XRCC3: variants seen among roughly 807,000 people sequenced by gnomAD.
XRCC3 encodes the protein DNA repair protein XRCC3.
In XRCC3, 34 loss-of-function variants were observed where a neutral mutation model predicts 29.2. The ratio of observed to expected loss-of-function variants is 1.16; its 90% CI spans 0.88 to 1.55. The LOEUF (loss-of-function observed/expected upper bound fraction) is 1.55. Among genes scored for constraint, XRCC3 ranks in the 40% most tolerant of loss-of-function variants. The pLI, the probability that XRCC3 is intolerant of heterozygous loss-of-function variation, is 0.00. For synonymous variants in XRCC3, 223 were observed against 211.3 expected (o/e 1.06, Z -0.48); for missense variants, 463 against 467.6 (o/e 0.99, Z 0.09).
rs2083466594 is a variant in XRCC3 at position 103,707,218 on chromosome 14, A to C, written c.194-3T>G. ...CTTCTGCTGGTGCAGCTGCAGTGCTAAAGGGCAGGGATAGTGTCAGGCCTG... is the reference window on the plus strand; with the variant it reads ...CTTCTGCTGGTGCAGCTGCAGTGCTCAAGGGCAGGGATAGTGTCAGGCCTG... On this transcript the variant is annotated splice_polypyrimidine_tract_variant and splice_region_variant and intron_variant, in intron 5 of 9. Coordinates refer to ENST00000555055, the MANE Select transcript of XRCC3 (RefSeq NM_005432.4). 1.3e-6 allele frequency: 2 copies of C among 1,548,446 alleles called. No individual in the cohort carries two copies. The highest frequency in any genetic ancestry group is 2.7e-5 in the African/African-American group (2 of 72,990).
chr14:103,699,171 C>T lies in XRCC3; in HGVS notation c.783G>A (p.Glu261=), dbSNP rs764416609. Residue 261 remains glutamate, a synonymous_variant, in exon 9 of 10, where the codon GAG becomes GAA. Transcript: ENST00000555055. ...GTGCTGCGCCCTGCTCCTCCATGGCCTCTGTCACCTGGAAGAGCACAGTCC... is the reference window on the plus strand; with the variant it reads ...GTGCTGCGCCCTGCTCCTCCATGGCTTCTGTCACCTGGAAGAGCACAGTCC... ...SPVLCINQVT[E]AMEEQGAAHG... is the part of the protein sequence containing the mutation. 3 of 1,565,660 alleles carry T rather than the reference C, an allele frequency of 1.9e-6. No individual in the cohort carries two copies.
intron 2 of XRCC3, 172 bp from the exon 3 acceptor site, chr14:103,711,739 G>A (rs181386895): frequency 2.4e-5 from 11 of 455,860 alleles, no homozygotes; most frequent in South Asian, 9.3e-5. Context: ...TCCACAGCCC[G>A]AGCCTGGCCC....
intron 3 of XRCC3, 73 bp from the exon 4 acceptor site, chr14:103,711,318 A>G (rs1029515596): frequency 1.5e-6 from 1 of 679,270 alleles, no homozygotes; most frequent in South Asian, 1.5e-5. Context: ...TCTGTCATTT[A>G]CCTCTAAGAA....
At chr14:103,701,101 CTT>C in intron 7 of XRCC3, 1 of 1,437,638 alleles carries the variant, frequency 7.0e-7, no homozygotes, top group East Asian at 2.5e-5. Flanking sequence ...TCTAGGCAGA[CTT>C]GGGGTGGGGG....
At chr14:103,706,112 A>G (rs2083426224) in intron 6 of XRCC3, 1 of 349,048 alleles carries the variant, frequency 2.9e-6, no homozygotes, top group Non-Finnish European at 5.7e-6. Flanking sequence ...CTCACCCTCC[A>G]CCCGACACGG....
In XRCC3 at chr14:103,698,751, G is replaced by A. The variant is rs376407692; in HGVS notation, c.*47C>T. 5.3e-4 allele frequency: 817 copies of A among 1,532,394 alleles called. No individual in the cohort carries two copies. Among genetic ancestry groups the A allele is most frequent in the Non-Finnish European group, 7.0e-4 (786 of 1,129,976 alleles). The allele number at this position is 1,532,394 out of a possible 1,614,324, so 94.9% of individuals were successfully genotyped here. A position where few individuals can be genotyped will look rare whatever the true frequency, so the allele number is the denominator to read the frequency against. ...GACGCGTTTTAAAGGCCCGAGCCCC[G>A]TGTGTCGGGGCTTCTCAGGCAGGGC... On this transcript the variant is annotated 3_prime_UTR_variant, in exon 10 of 10. Coordinates refer to ENST00000555055, the MANE Select transcript of XRCC3 (RefSeq NM_005432.4).
chr14:103,699,425 A>G lies in XRCC3; in HGVS notation c.713T>C (p.Leu238Pro), dbSNP rs754529357. 4 of 1,612,718 alleles carry G rather than the reference A, an allele frequency of 2.5e-6. No homozygotes were observed. Among genetic ancestry groups the G allele is most frequent in the Admixed American group, 1.7e-5 (1 of 59,990 alleles). The change falls in exon 8 of 10, where the codon CTG (leucine) becomes CCG (proline). Residue 238 changes from leucine (L) to proline (P), a missense_variant. Coordinates refer to ENST00000555055, the MANE Select transcript of XRCC3 (RefSeq NM_005432.4). ...GCTCAGCTCACGCAGCGTGGCCCCC[A>G]GGGACTGCAGATGCCTGGCCCTGGG... is the stretch of plus-strand genomic sequence containing the variant. ...SAPRARHLQS[L>P]GATLRELSSA...
Position 103,707,031 on chromosome 14 carries a change from G to A in XRCC3, c.378C>T (p.Phe126=), listed in dbSNP as rs1398225152. 6.4e-7 allele frequency: 1 copy of A among 1,566,174 alleles called. No homozygotes were observed. Among genetic ancestry groups the A allele is most frequent in the Non-Finnish European group, 8.6e-7 (1 of 1,159,266 alleles). Residue 126 remains phenylalanine, a synonymous_variant, in exon 6 of 10, where the codon TTC becomes TTT. Transcript: ENST00000555055. Reference sequence around the variant, plus strand: ...CCTCCAGGCCTCCGTGCTGCCGCGGGAACTGCACAGCCAGGCAGAGCTGCA... The same window carrying A: ...CCTCCAGGCCTCCGTGCTGCCGCGGAAACTGCACAGCCAGGCAGAGCTGCA... ...LALQLCLAVQ[F]PRQHGGLEAG... is the part of the protein sequence containing the mutation.
chr14:103,703,032 C>A, intron 7 of XRCC3, 141 bp downstream of exon 7: 1 of 1,336,422 alleles, frequency 7.5e-7, no homozygotes, highest in Non-Finnish European at 1.0e-6. Flanking sequence ...GCGTAAACCC[C>A]CATGACCCAT....
intron 6 of XRCC3, chr14:103,703,577 C>T (rs1045415389): frequency 9.4e-6 from 5 of 532,586 alleles, no homozygotes; most frequent in Non-Finnish European, 1.7e-5. Flanking sequence ...GCAAGGACTT[C>T]CCCTGTCCTG....
At chr14:103,699,712 TC>T in intron 7 of XRCC3, 136 bp from the exon 8 acceptor site, 1 of 796,522 alleles carries the variant, frequency 1.3e-6, no homozygotes. Context: ...TACTCTGTAG[TC>T]CCCATACTCT....
intron 5 of XRCC3, 67 bp downstream of exon 5, chr14:103,708,455 T>C: frequency 6.2e-7 from 1 of 1,607,012 alleles, no homozygotes; most frequent in South Asian, 1.1e-5. Context: ...GCCCCTGCCC[T>C]GCACCACTGG....
rs765078097 is a variant in XRCC3 at position 103,698,846 on chromosome 14, C to G, written c.993G>C (p.Thr331=). ...PHLPPSSCSY[T]ISAEGVRGTP... ...TCCCTCGCACCCCTTCGGCACTGAT[C>G]GTGTAGGAACAGGAGGAGGGGGGCA... The change falls in exon 10 of 10, where the codon ACG becomes ACC. Residue 331 remains threonine, a synonymous_variant. Coordinates refer to ENST00000555055, the MANE Select transcript of XRCC3 (RefSeq NM_005432.4). 3.1e-6 allele frequency: 5 copies of G among 1,607,200 alleles called. No individual in the cohort carries two copies. The African/African-American group carries it at 4.0e-5, about 13-fold the overall frequency.
At chr14:103,700,609 G>A in intron 7 of XRCC3, 1 of 1,525,154 alleles carries the variant, frequency 6.6e-7, no homozygotes, top group Non-Finnish European at 9.0e-7. Context: ...ACGCCTGAGG[G>A]CCGCCTGCAC....
intron 7 of XRCC3, chr14:103,699,835 C>T: frequency 5.6e-6 from 3 of 539,918 alleles, no homozygotes; most frequent in Middle Eastern, 5.1e-4. Context: ...GGCAGTCACC[C>T]CTTGGCTGTG....
At chr14:103,706,171 G>C (rs1261381728) in intron 6 of XRCC3, 1 of 369,390 alleles carries the variant, frequency 2.7e-6, no homozygotes, top group African/African-American at 2.1e-5. Flanking sequence ...GCTCAGGCAG[G>C]CACAGCACAC....
At chr14:103,707,310 G>A in intron 5 of XRCC3, 95 bp from the exon 6 acceptor site, 1 of 1,458,022 alleles carries the variant, frequency 6.9e-7, no homozygotes, top group Non-Finnish European at 9.4e-7. Flanking sequence ...TGTGCCAGGT[G>A]CAGTGTGGCT....
chr14:103,700,313 C>G (rs2083056902), intron 7 of XRCC3: 1 of 264,274 alleles, frequency 3.8e-6, no homozygotes, highest in African/African-American at 2.3e-5. Flanking sequence ...CAGGGGAGGA[C>G]CCCCCCAGTG....
In XRCC3 at chr14:103,703,189, T is replaced by C. The variant is rs781016854; in HGVS notation, c.545A>G (p.Glu182Gly). The change falls in exon 7 of 10, where the codon GAG (glutamate) becomes GGG (glycine). Residue 182 changes from glutamate to glycine, a missense_variant. Transcript: ENST00000555055. The stretch of plus-strand genomic sequence containing the variant: ...CACACTCACCACATCGGCCACGTGC[T>C]CGATGAAGATCTGGCTGCCAAATCG... ...KLRFGSQIFI[E>G]HVADVDTLLE... 6.4e-7 allele frequency: 1 copy of C among 1,572,048 alleles called. No homozygotes were observed. The highest frequency in any genetic ancestry group is 1.2e-5 in the South Asian group (1 of 86,354).
Sources: gnomAD v4.1 joint callset for allele counts on GRCh38, gnomAD v4.1.1 for gene constraint, MANE v1.5 for transcripts, NCBI Gene and HGNC (gene_info 2026-07-23, HGNC 2026-07-21) for gene names.